The following HPSE2 variants were observed in gnomAD, a reference collection of about 807,000 sequenced individuals.
The protein encoded by HPSE2 is inactive heparanase-2.
In HPSE2, 38 loss-of-function variants were observed where a neutral mutation model predicts 60.5. The ratio of observed to expected loss-of-function variants is 0.63; its 90% CI spans 0.48 to 0.82. The LOEUF is 0.82. Among genes scored for constraint, HPSE2 ranks in the 40% least tolerant of loss-of-function variants. The probability of loss-of-function intolerance (pLI) is 0.00; values close to 1 mark genes in which losing one functional copy is unlikely to be tolerated. For synonymous variants in HPSE2, 295 were observed against 293.2 expected (o/e 1.01, Z -0.06); for missense variants, 713 against 740.4 (o/e 0.96, Z 0.43).
At chr10:98,572,242 T>C (rs538878689) in intron 9 of HPSE2, among the ~76,000 whole-genome samples, 6 of 152,280 alleles carry the variant, frequency 3.9e-5, no homozygotes, top group Non-Finnish European at 5.9e-5. Flanking sequence ...GCCTGGCCTT[T>C]TCTTTTCTTA....
At chr10:98,532,561 C>T (rs910749813) in intron 9 of HPSE2, among the ~76,000 whole-genome samples, 1 of 152,150 alleles carries the variant, frequency 6.6e-6, no homozygotes, top group Non-Finnish European at 1.5e-5. Flanking sequence ...ATACATAATA[C>T]ACACTCAATA....
At chr10:99,198,789 T>G (rs1321796994) in intron 2 of HPSE2, among the ~76,000 whole-genome samples, 1 of 152,190 alleles carries the variant, frequency 6.6e-6, no homozygotes, top group Non-Finnish European at 1.5e-5. Context: ...CTTAATGAAT[T>G]AATTAATCAT....
chr10:99,034,757 C>A (rs935037292), intron 3 of HPSE2, among the ~76,000 whole-genome samples: 1 of 152,138 alleles, frequency 6.6e-6, no homozygotes, highest in African/African-American at 2.4e-5. Flanking sequence ...GATGTTATAG[C>A]CTCCTACACA....
At chr10:98,962,644 C>T (rs1232429132) in intron 3 of HPSE2, among the ~76,000 whole-genome samples, 2 of 150,012 alleles carry the variant, frequency 1.3e-5, no homozygotes, top group African/African-American at 4.9e-5. Context: ...TCAAATTGTC[C>T]CTGTTTGCAG....
chr10:98,760,860 C>T (rs1949988893), intron 3 of HPSE2, among the ~76,000 whole-genome samples: 1 of 152,042 alleles, frequency 6.6e-6, no homozygotes, highest in African/African-American at 2.4e-5. Context: ...GTGTTCCCTC[C>T]TCTTCAATTT....
chr10:99,043,808 T>A (rs1042598221), intron 3 of HPSE2, among the ~76,000 whole-genome samples: 1 of 151,558 alleles, frequency 6.6e-6, no homozygotes, highest in Non-Finnish European at 1.5e-5. Context: ...CCCAATCAGA[T>A]AAAAATAAAG....
intron 3 of HPSE2, among the ~76,000 whole-genome samples, chr10:99,090,694 CATT>C (rs942578353): frequency 1.3e-5 from 2 of 151,854 alleles, no homozygotes; most frequent in African/African-American, 4.8e-5. Context: ...TCTGTTATAA[CATT>C]ATTATATCAT....
intron 9 of HPSE2, among the ~76,000 whole-genome samples, chr10:98,563,760 C>A (rs1452634195): frequency 3.3e-5 from 5 of 151,992 alleles, no homozygotes; most frequent in Non-Finnish European, 5.9e-5. Flanking sequence ...TGTGGCTGCA[C>A]AAACATACAC....
intron 3 of HPSE2, among the ~76,000 whole-genome samples, chr10:99,022,449 C>T (rs1957283892): frequency 6.6e-6 from 1 of 152,070 alleles, no homozygotes; most frequent in Admixed American, 6.6e-5. Flanking sequence ...TAGGCAAATC[C>T]TAGTGTTAAA....
intron 6 of HPSE2, among the ~76,000 whole-genome samples, chr10:98,653,355 A>T: frequency 6.6e-6 from 1 of 151,346 alleles, no homozygotes; most frequent in East Asian, 1.9e-4. Context: ...TAGAATGATG[A>T]TTGATATAGT....
the HPSE2 span, among the ~76,000 whole-genome samples, chr10:99,280,505 T>G: frequency 6.6e-6 from 1 of 152,194 alleles, no homozygotes; most frequent in African/African-American, 2.4e-5. Flanking sequence ...TTACTTCAAC[T>G]TCCCTTCCAC....
chr10:98,469,467 C>T (rs879507600), intron 11 of HPSE2, among the ~76,000 whole-genome samples: 5 of 152,172 alleles, frequency 3.3e-5, no homozygotes, highest in Non-Finnish European at 5.9e-5. Context: ...GTTTAAGGGG[C>T]ATTATTCATA....
chr10:98,776,563 A>G (rs991531842), intron 3 of HPSE2, among the ~76,000 whole-genome samples: 31 of 152,346 alleles, frequency 2.0e-4, no homozygotes, highest in African/African-American at 7.2e-4. Flanking sequence ...AATCAGATAA[A>G]TCCAGATTTA....
intron 2 of HPSE2, among the ~76,000 whole-genome samples, chr10:99,149,679 T>C (rs747212448): frequency 6.6e-6 from 1 of 152,196 alleles, no homozygotes; most frequent in African/African-American, 2.4e-5. Context: ...TATTGGAGGA[T>C]AGTATTATTC....
At chr10:99,152,949 G>A (rs1846339690) in intron 2 of HPSE2, among the ~76,000 whole-genome samples, 1 of 152,250 alleles carries the variant, frequency 6.6e-6, no homozygotes, top group Non-Finnish European at 1.5e-5. Flanking sequence ...GAAGCGCAAG[G>A]GGTCAGGGAG....
chr10:98,486,107 TGCCTCA>T (rs982586876), intron 10 of HPSE2, among the ~76,000 whole-genome samples: 4 of 152,192 alleles, frequency 2.6e-5, no homozygotes, highest in Non-Finnish European at 5.9e-5. Flanking sequence ...CATTAAAGAC[TGCCTCA>T]GCCATCCCTC....
At chr10:99,188,505 CTT>C (rs1296576526) in intron 2 of HPSE2, among the ~76,000 whole-genome samples, 3 of 152,100 alleles carry the variant, frequency 2.0e-5, no homozygotes, top group Non-Finnish European at 4.4e-5. Context: ...AAGGTTATCT[CTT>C]GTTTTACCCA....
chr10:99,313,184 T>C, the HPSE2 span, among the ~76,000 whole-genome samples: 1 of 152,206 alleles, frequency 6.6e-6, no homozygotes. Flanking sequence ...TTTCTAGCAA[T>C]GCAAGAGCAG....
In HPSE2 at chr10:98,458,297, C is replaced by T. The variant is rs551530662; in HGVS notation, c.*1277G>A. On this transcript the variant is annotated 3_prime_UTR_variant, in exon 12 of 12. Coordinates refer to ENST00000370552, the MANE Select transcript of HPSE2 (RefSeq NM_021828.5). ...TCATTTATCCTGAGAAAGAAAATCA[C>T]ATCCACAGAAAAGAAAGTCATTTCA... 78 of 152,342 alleles carry T rather than the reference C, an allele frequency of 5.1e-4. No individual in the cohort carries two copies. The highest frequency in any genetic ancestry group is 1.9e-3 in the African/African-American group (77 of 41,564). 9.4% of individuals were successfully genotyped at this position (152,342 alleles called of 1,614,324 possible). A position where few individuals can be genotyped will look rare whatever the true frequency, so the allele number is the denominator to read the frequency against.
Sources: gnomAD v4.1 joint callset for allele counts (sites outside exome capture counted in the v4.1 genomes callset) on GRCh38, gnomAD v4.1.1 for gene constraint, MANE v1.5 for transcripts, NCBI Gene and HGNC (gene_info 2026-07-23, HGNC 2026-07-21) for gene names.